SRI: variants seen among roughly 807,000 people sequenced by gnomAD.
SRI encodes the protein sorcin.
A neutral mutation model predicts 33.3 loss-of-function variants in SRI; 30 were observed. That is an observed-to-expected ratio of 0.90 (90% CI 0.67 to 1.22). The LOEUF (loss-of-function observed/expected upper bound fraction) is 1.22, where lower values mean the gene tolerates loss of function less well. Among genes scored for constraint, SRI ranks in the 50% most tolerant of loss-of-function variants. The probability of loss-of-function intolerance (pLI) is 0.00; values close to 1 mark genes in which losing one functional copy is unlikely to be tolerated. For missense variants in SRI, 243 were observed against 250.8 expected (o/e 0.97, Z 0.21); for synonymous variants, 75 against 89.9 (o/e 0.83, Z 0.94).
At chr7:88,226,705 T>G (rs1219830104) in intron 1 of SRI, among the ~76,000 whole-genome samples, 1 of 152,208 alleles carries the variant, frequency 6.6e-6, no homozygotes, top group African/African-American at 2.4e-5. Flanking sequence ...ATAATTATTT[T>G]TCAGTAGTTA....
At chr7:88,220,153 A>C, upstream of SRI, 1 of 1,340,522 alleles carries the variant, frequency 7.5e-7, no homozygotes, top group Non-Finnish European at 9.5e-7. Flanking sequence ...CGCGCTCCGC[A>C]GTCGTCTCCA....
At chr7:88,220,217 C>CT, upstream of SRI, 1 of 1,312,464 alleles carries the variant, frequency 7.6e-7, no homozygotes, top group South Asian at 2.2e-5. Flanking sequence ...TTCTTCGTAT[C>CT]TTTGCCATTA....
At chr7:88,222,266 G>A (rs1355819282), upstream of SRI, among the ~76,000 whole-genome samples, 1 of 150,450 alleles carries the variant, frequency 6.6e-6, no homozygotes, top group Non-Finnish European at 1.5e-5. Flanking sequence ...TCGCCACACT[G>A]ACTTCCACAA....
intron 1 of SRI, among the ~76,000 whole-genome samples, chr7:88,226,355 T>C (rs1851994967): frequency 6.6e-6 from 1 of 152,096 alleles, no homozygotes. Context: ...TTATTGCCCA[T>C]CCCCATTCGC....
At chr7:88,220,081 C>T (rs1851852012), upstream of SRI, 2 of 1,470,932 alleles carry the variant, frequency 1.4e-6, no homozygotes, top group African/African-American at 1.5e-5. Context: ...TCTCCGCCCC[C>T]TGCCCCGCCC....
chr7:88,224,575 T>C (rs1851957257), upstream of SRI, among the ~76,000 whole-genome samples: 1 of 152,208 alleles, frequency 6.6e-6, no homozygotes, highest in Non-Finnish European at 1.5e-5. Flanking sequence ...ACAACATAGG[T>C]AACCAATTAA....
At position 88,218,833 on chromosome 7, in the gene SRI, C is replaced by T. The variant is rs755317859; in HGVS notation, c.135+26G>A. ...ACCACAAATGCAGACAATAACGGCT[C>T]TTTAATATTAAAGGGAAAAGCTAAC... On this transcript the variant is annotated intron_variant, in intron 2 of 7. Coordinates refer to ENST00000265729, the MANE Select transcript of SRI (RefSeq NM_003130.4). 1.9e-6 allele frequency: 3 copies of T among 1,610,376 alleles called. No homozygotes were observed. In the Admixed American group the frequency reaches 5.0e-5, roughly 27 times the overall value.
intron 7 of SRI, 81 bp downstream of exon 7, chr7:88,208,426 T>C: frequency 1.3e-6 from 2 of 1,575,454 alleles, no homozygotes; most frequent in South Asian, 2.3e-5. Flanking sequence ...CTTAAGATAT[T>C]CTTAACAGCT....
chr7:88,210,334 G>C, intron 4 of SRI: 2 of 618,804 alleles, frequency 3.2e-6, no homozygotes, highest in Non-Finnish European at 5.6e-6. Context: ...GTGGGGAAAA[G>C]ATAACTTACA....
In SRI at chr7:88,206,462, G is replaced by A; in HGVS notation, c.*16C>T. ...CAGTTGGAATGTTGATTACATTCATGCAGCTTCCTCTTGATTTAAACACTC... is the reference window on the plus strand; with the variant it reads ...CAGTTGGAATGTTGATTACATTCATACAGCTTCCTCTTGATTTAAACACTC... On this transcript the variant is annotated 3_prime_UTR_variant, in exon 8 of 8. Coordinates refer to ENST00000265729, the MANE Select transcript of SRI (RefSeq NM_003130.4). 6.2e-7 allele frequency: 1 copy of A among 1,613,868 alleles called. No individual in the cohort carries two copies. Among genetic ancestry groups the A allele is most frequent in the Non-Finnish European group, 8.5e-7 (1 of 1,179,804 alleles).
At chr7:88,225,712 A>T (rs1851979464) in intron 1 of SRI, among the ~76,000 whole-genome samples, 1 of 152,204 alleles carries the variant, frequency 6.6e-6, no homozygotes, top group South Asian at 2.1e-4. Context: ...TTTTAAGATT[A>T]TGCAATTTCT....
chr7:88,207,942 T>C (rs1851472590), intron 7 of SRI: 1 of 151,284 alleles, frequency 6.6e-6, no homozygotes, highest in Non-Finnish European at 1.5e-5. Context: ...GAGCTGACAT[T>C]GCGCCACTGC....
At chr7:88,219,941 C>T (rs1431503126) in intron 1 of SRI, 35 bp downstream of exon 1, 3 of 1,537,502 alleles carry the variant, frequency 2.0e-6, no homozygotes, top group Non-Finnish European at 8.7e-7. Context: ...GCCCCGGAGC[C>T]GCCTGGGCCG....
At chr7:88,209,263 G>A (rs1271025370) in intron 6 of SRI, 76 bp downstream of exon 6, 1 of 1,213,100 alleles carries the variant, frequency 8.2e-7, no homozygotes, top group Non-Finnish European at 1.2e-6. Context: ...AATAAAAGTT[G>A]AGAAGCACTG....
chr7:88,218,730 CTTT>C, intron 2 of SRI, 126 bp downstream of exon 2: 1 of 782,576 alleles, frequency 1.3e-6, no homozygotes, highest in Non-Finnish European at 2.1e-6. Flanking sequence ...TAAGAAACAA[CTTT>C]TTTTTTCTTT....
chr7:88,216,757 G>A (rs1250584157), intron 3 of SRI: 1 of 200,348 alleles, frequency 5.0e-6, no homozygotes, highest in Non-Finnish European at 1.0e-5. Context: ...TAGATTGGCA[G>A]GTAGGATGGA....
chr7:88,225,352 T>C (rs1851973551), intron 1 of SRI, among the ~76,000 whole-genome samples: 1 of 152,090 alleles, frequency 6.6e-6, no homozygotes, highest in Admixed American at 6.5e-5. Flanking sequence ...ACACACACTT[T>C]ATATATATAC....
chr7:88,219,827 G>A lies in SRI; in HGVS notation c.51+149C>T, dbSNP rs1851839267. 4 of 969,980 alleles carry A rather than the reference G, an allele frequency of 4.1e-6. No homozygotes were observed. In the South Asian group the frequency reaches 6.6e-5, roughly 16 times the overall value. The allele number at this position is 969,980 out of a possible 1,614,324, so 60.1% of individuals were successfully genotyped here. ...AGGCCGAACCCCAGGGGCCTAGGGC[G>A]AGGCCGCGAGCGCAGGGAGAAGCCG... On this transcript the variant is annotated intron_variant, in intron 1 of 7. Transcript: ENST00000265729.
intron 1 of SRI, 194 bp from the exon 2 acceptor site, chr7:88,219,136 C>T: frequency 1.6e-6 from 1 of 607,614 alleles, no homozygotes; most frequent in South Asian, 1.8e-5. Flanking sequence ...TAAAAACTGG[C>T]GACTTAGACC....
Sources: gnomAD v4.1 joint callset for allele counts (sites outside exome capture counted in the v4.1 genomes callset) on GRCh38, gnomAD v4.1.1 for gene constraint, MANE v1.5 for transcripts, NCBI Gene and HGNC (gene_info 2026-07-23, HGNC 2026-07-21) for gene names.